ESRRG: variants seen among roughly 807,000 people sequenced by gnomAD.
The protein encoded by ESRRG is estrogen related receptor gamma.
Under a neutral mutation model 44.0 loss-of-function variants are expected in ESRRG, and 13 were observed. That is an observed-to-expected ratio of 0.30 (90% CI 0.19 to 0.47). The LOEUF is 0.47. Among genes scored for constraint, ESRRG ranks in the 20% least tolerant of loss-of-function variants. ESRRG has a pLI of 1.00. For synonymous variants in ESRRG, 215 were observed against 214.6 expected, an observed-to-expected ratio of 1.00 and a Z score of -0.02; for missense variants, 395 against 580.6, an observed-to-expected ratio of 0.68 and a Z score of 3.29.
intron 2 of ESRRG, among the ~76,000 whole-genome samples, chr1:216,880,304 C>CAA (rs11301281): frequency 0.031 from 890 of 29,060 alleles, 128 homozygotes; most frequent in African/African-American, 0.093. Context: ...GCCTCCCTCT[C>CAA]AAAAAAAAAA....
At chr1:216,925,338 G>A (rs571320895) in intron 2 of ESRRG, among the ~76,000 whole-genome samples, 1 of 152,282 alleles carries the variant, frequency 6.6e-6, no homozygotes, top group African/African-American at 2.4e-5. Context: ...TTGGGAGGCT[G>A]AGGAAGGAAA....
At chr1:216,804,763 A>G (rs2094734059) in intron 2 of ESRRG, among the ~76,000 whole-genome samples, 2 of 152,058 alleles carry the variant, frequency 1.3e-5, no homozygotes, top group South Asian at 4.2e-4. Flanking sequence ...CTTTGGTACA[A>G]ATGTCCACAC....
At chr1:216,648,203 GTGCA>G (rs1480370752) in intron 3 of ESRRG, among the ~76,000 whole-genome samples, 1 of 152,076 alleles carries the variant, frequency 6.6e-6, no homozygotes. Context: ...AAACATAATT[GTGCA>G]TTTAGATGCA....
At position 216,982,849 on chromosome 1, in the gene ESRRG, T is replaced by A. The variant is rs189423938; in HGVS notation, c.-105-43176A>T. On this transcript the variant is annotated intron_variant, in intron 1 of 7. Transcript: ENST00000359162. ...ATACAAAAGGTGACATCACAGACAC[T>A]GTTTTTTCCAGCCAATTGCTGATGC... 8.5e-5 allele frequency among the ~76,000 whole-genome samples: 13 copies of A among 152,286 alleles called. No homozygotes were observed. In the East Asian group the frequency reaches 2.3e-3, roughly 27 times the overall value.
At chr1:216,731,364 G>A (rs530817356) in intron 2 of ESRRG, among the ~76,000 whole-genome samples, 1 of 152,126 alleles carries the variant, frequency 6.6e-6, no homozygotes, top group Non-Finnish European at 1.5e-5. Flanking sequence ...CCTCTTATGG[G>A]GAGAGGAAGA....
intron 3 of ESRRG, 31 bp downstream of exon 3, chr1:216,650,942 A>C (rs750463227): frequency 7.0e-7 from 1 of 1,432,444 alleles, no homozygotes; most frequent in South Asian, 1.1e-5. Context: ...AGCAAAATCA[A>C]AACCTCAGGG....
intron 1 of ESRRG, among the ~76,000 whole-genome samples, chr1:216,722,935 A>G (rs960663578): frequency 5.9e-5 from 9 of 152,220 alleles, no homozygotes; most frequent in Non-Finnish European, 8.8e-5. Flanking sequence ...GCATTTTAAC[A>G]GTTCACTAAG....
At chr1:217,037,941 C>T (rs1183017263) in intron 1 of ESRRG, among the ~76,000 whole-genome samples, 21 of 152,182 alleles carry the variant, frequency 1.4e-4, no homozygotes. Context: ...TCCTTTGACT[C>T]CCTGTCTCAC....
At chr1:216,610,408 G>C (rs1233087957) in intron 3 of ESRRG, among the ~76,000 whole-genome samples, 1 of 152,106 alleles carries the variant, frequency 6.6e-6, no homozygotes, top group African/African-American at 2.4e-5. Flanking sequence ...AGGGCTTGAA[G>C]GCATTTGAAG....
At chr1:216,768,454 C>CTATCTATCAT (rs761527271) in intron 2 of ESRRG, among the ~76,000 whole-genome samples, 3 of 78,254 alleles carry the variant, frequency 3.8e-5, no homozygotes, top group African/African-American at 1.3e-4. Flanking sequence ...CTATCATTAT[C>CTATCTATCAT]TATCTATCTA....
At chr1:217,126,750 C>A (rs777693635) in intron 1 of ESRRG, among the ~76,000 whole-genome samples, 9 of 152,104 alleles carry the variant, frequency 5.9e-5, no homozygotes, top group Admixed American at 5.9e-4. Flanking sequence ...AATTAGAGTG[C>A]ATTGGAATAC....
chr1:216,756,994 G>C (rs912264971), intron 2 of ESRRG, among the ~76,000 whole-genome samples: 7 of 151,950 alleles, frequency 4.6e-5, no homozygotes, highest in Admixed American at 3.9e-4. Flanking sequence ...GGAGATGCCA[G>C]TATACAAGTC....
At chr1:217,092,039 T>A (rs890666495), upstream of ESRRG, among the ~76,000 whole-genome samples, 7 of 152,144 alleles carry the variant, frequency 4.6e-5, no homozygotes, top group Non-Finnish European at 8.8e-5. Context: ...GGCAGCTGAG[T>A]GGTTTCTTAC....
intron 1 of ESRRG, among the ~76,000 whole-genome samples, chr1:217,041,332 A>G (rs1359977521): frequency 6.6e-6 from 1 of 152,208 alleles, no homozygotes. Context: ...GATACAAGAC[A>G]GCAAATGCAT....
chr1:217,115,679 G>A (rs930332110), intron 1 of ESRRG, among the ~76,000 whole-genome samples: 5 of 151,950 alleles, frequency 3.3e-5, no homozygotes, highest in Non-Finnish European at 7.4e-5. Flanking sequence ...TCACTGTCTC[G>A]TGCATGCCTT....
At chr1:216,917,087 G>T (rs1013867865) in intron 2 of ESRRG, among the ~76,000 whole-genome samples, 1 of 150,414 alleles carries the variant, frequency 6.6e-6, no homozygotes, top group Non-Finnish European at 1.5e-5. Flanking sequence ...GAATCTCAGG[G>T]TCTCTCCCTC....
At chr1:216,810,736 T>C (rs183489093) in intron 2 of ESRRG, among the ~76,000 whole-genome samples, 42 of 148,126 alleles carry the variant, frequency 2.8e-4, no homozygotes, top group Admixed American at 2.6e-3. Context: ...TATACACATG[T>C]ATATATATAA....
chr1:216,578,138 T>A lies in ESRRG; in HGVS notation c.590-10040A>T, dbSNP rs146852000. ...AACGAATATGGTATATGTTCCCAGG[T>A]CATGTGTAAAGAGAATTATACCTCT... On this transcript the variant is annotated intron_variant, in intron 3 of 6. Transcript: ENST00000408911. Among the ~76,000 whole-genome samples, 87 of 152,150 alleles carry A rather than the reference T, an allele frequency of 5.7e-4. No individual in the cohort carries two copies. In the East Asian group the frequency reaches 0.016, roughly 28 times the overall value.
intron 1 of ESRRG, among the ~76,000 whole-genome samples, chr1:217,065,460 T>C (rs557945756): frequency 5.9e-5 from 9 of 152,342 alleles, no homozygotes; most frequent in African/African-American, 2.2e-4. Context: ...TTTTACCCAT[T>C]TCTCTTTCAA....
Sources: gnomAD v4.1 joint callset for allele counts (sites outside exome capture counted in the v4.1 genomes callset) on GRCh38, gnomAD v4.1.1 for gene constraint, MANE v1.5 for transcripts, NCBI Gene and HGNC (gene_info 2026-07-23, HGNC 2026-07-21) for gene names.